CDK14: variants seen among roughly 807,000 people sequenced by gnomAD.
The protein encoded by CDK14 is cyclin-dependent kinase 14.
A neutral mutation model predicts 60.7 loss-of-function variants in CDK14; 34 were observed. The observed-to-expected ratio is 0.56, with a 90% confidence interval of 0.43 to 0.75. CDK14 has a LOEUF of 0.75. CDK14 is among the 30% of genes least tolerant of loss of function. The pLI is 0.00. For missense variants in CDK14, 482 were observed against 564.1 expected, an observed-to-expected ratio of 0.85 and a Z score of 1.47; for synonymous variants, 197 against 203.7, an observed-to-expected ratio of 0.97 and a Z score of 0.28.
chr7:91,203,272 A>C (rs1286202932), intron 14 of CDK14, among the ~76,000 whole-genome samples: 2 of 152,204 alleles, frequency 1.3e-5, no homozygotes, highest in African/African-American at 4.8e-5. Flanking sequence ...AATGTGCCAT[A>C]GGGAACTCTA....
intron 5 of CDK14, among the ~76,000 whole-genome samples, chr7:90,798,727 T>G (rs1465172924): frequency 6.6e-6 from 1 of 152,222 alleles, no homozygotes; most frequent in Non-Finnish European, 1.5e-5. Context: ...TAACCTAGAT[T>G]TATGTCCAAA....
intron 6 of CDK14, among the ~76,000 whole-genome samples, chr7:90,881,695 G>A (rs192930021): frequency 2.5e-4 from 38 of 152,184 alleles, no homozygotes; most frequent in African/African-American, 9.2e-4. Flanking sequence ...GAGAAAGGCC[G>A]GGTCACCTAC....
At chr7:91,112,397 G>A (rs2116352910) in intron 12 of CDK14, 145 bp from the exon 13 acceptor site, 3 of 774,850 alleles carry the variant, frequency 3.9e-6, no homozygotes, top group South Asian at 1.8e-5. Flanking sequence ...GAACCAACAT[G>A]CATTTTGCTT....
At chr7:90,827,587 GTATGGGTCCTGCAGAA>G (rs879820546) in intron 5 of CDK14, among the ~76,000 whole-genome samples, 1 of 152,210 alleles carries the variant, frequency 6.6e-6, no homozygotes, top group Admixed American at 6.5e-5. Context: ...GGGTTTAAAA[GTATGGGTCCTGCAGAA>G]ACGCCAACCT....
At chr7:91,114,886 A>T (rs803161) in intron 13 of CDK14, among the ~76,000 whole-genome samples, 126,837 of 152,146 alleles carry the variant, frequency 0.83, 53,095 homozygotes, top group Non-Finnish European at 0.87. Flanking sequence ...TTGGAGACTT[A>T]GGGAATTGGT....
At chr7:90,655,607 C>G (rs1298149298) in intron 2 of CDK14, among the ~76,000 whole-genome samples, 1 of 152,154 alleles carries the variant, frequency 6.6e-6, no homozygotes, top group Admixed American at 6.5e-5. Flanking sequence ...AAATTGTTAT[C>G]TGTTTTATAA....
chr7:90,608,404 AGTGTAT>A (rs918091615), intron 2 of CDK14: 9 of 188,460 alleles, frequency 4.8e-5, no homozygotes, highest in Admixed American at 1.3e-4. Context: ...GCTCTAATTA[AGTGTAT>A]GTGTATGTGT....
intron 4 of CDK14, among the ~76,000 whole-genome samples, chr7:90,764,586 G>A (rs1366339385): frequency 1.3e-5 from 2 of 152,184 alleles, no homozygotes; most frequent in African/African-American, 4.8e-5. Context: ...GTGCAAGATT[G>A]TATGGTAGAC....
At chr7:90,697,610 T>C (rs1013624069) in intron 2 of CDK14, among the ~76,000 whole-genome samples, 5 of 152,206 alleles carry the variant, frequency 3.3e-5, no homozygotes, top group African/African-American at 1.2e-4. Context: ...AACTGCCCCA[T>C]GTGAGATTTT....
At chr7:90,606,104 G>A (rs1584736745) in intron 2 of CDK14, among the ~76,000 whole-genome samples, 1 of 152,160 alleles carries the variant, frequency 6.6e-6, no homozygotes, top group Non-Finnish European at 1.5e-5. Context: ...GTAAATCACA[G>A]AATGCTCTAC....
At chr7:90,642,671 T>G (rs1181117608) in intron 2 of CDK14, among the ~76,000 whole-genome samples, 1 of 152,188 alleles carries the variant, frequency 6.6e-6, no homozygotes, top group Non-Finnish European at 1.5e-5. Flanking sequence ...TGAGCCACTG[T>G]GCCTAGCATG....
intron 7 of CDK14, among the ~76,000 whole-genome samples, chr7:90,915,928 A>T (rs1011615377): frequency 6.6e-6 from 1 of 152,220 alleles, no homozygotes; most frequent in Non-Finnish European, 1.5e-5. Flanking sequence ...TGCCATGGTT[A>T]AACACTTACA....
chr7:90,893,168 C>T (rs1437783610), intron 6 of CDK14, among the ~76,000 whole-genome samples: 1 of 152,064 alleles, frequency 6.6e-6, no homozygotes, highest in Non-Finnish European at 1.5e-5. Context: ...TTTAAAACCA[C>T]CGACTTCATG....
intron 5 of CDK14, among the ~76,000 whole-genome samples, chr7:90,859,729 A>G (rs1173544614): frequency 6.6e-6 from 1 of 152,130 alleles, no homozygotes; most frequent in African/African-American, 2.4e-5. Context: ...GGAATAACAC[A>G]TCATTACCCA....
At chr7:90,946,878 C>T (rs1041411341) in intron 8 of CDK14, among the ~76,000 whole-genome samples, 27 of 152,184 alleles carry the variant, frequency 1.8e-4, no homozygotes, top group Non-Finnish European at 3.4e-4. Context: ...CCAGCAGTTT[C>T]CATTTCCCGC....
intron 5 of CDK14, among the ~76,000 whole-genome samples, chr7:90,827,557 A>G (rs1218908655): frequency 2.0e-5 from 3 of 152,234 alleles, no homozygotes; most frequent in Non-Finnish European, 4.4e-5. Flanking sequence ...AATAAGAGGT[A>G]GTGGAAGATA....
chr7:90,705,140 AAAAT>A (rs1801870097), intron 2 of CDK14, among the ~76,000 whole-genome samples: 1 of 150,052 alleles, frequency 6.7e-6, no homozygotes, highest in South Asian at 2.1e-4. Flanking sequence ...ATTACTTTTG[AAAAT>A]AAATTTATAA....
At chr7:90,636,495 T>C (rs931330700) in intron 2 of CDK14, among the ~76,000 whole-genome samples, 138 of 152,054 alleles carry the variant, frequency 9.1e-4, no homozygotes, top group Non-Finnish European at 1.5e-3. Flanking sequence ...CACTTGATCA[T>C]GGTGGATAAG....
chr7:91,000,508 G>A (rs796670536), intron 10 of CDK14, among the ~76,000 whole-genome samples: 50 of 152,344 alleles, frequency 3.3e-4, no homozygotes, highest in African/African-American at 1.1e-3. Flanking sequence ...ATTCAAGAAA[G>A]TAATAGAAGG....
Sources: allele counts gnomAD v4.1 joint callset (sites outside exome capture counted in the v4.1 genomes callset), GRCh38; gene constraint gnomAD v4.1.1; transcripts MANE v1.5; gene names NCBI Gene and HGNC (gene_info 2026-07-23, HGNC 2026-07-21).